Variants in PPARGC1A observed in about 807,000 individuals in gnomAD.
The protein encoded by PPARGC1A is peroxisome proliferator-activated receptor gamma coactivator 1-alpha.
PPARGC1A carries 25 observed loss-of-function variants against 88.7 expected under a neutral mutation model. The observed-to-expected ratio is 0.28, with a 90% CI of 0.21 to 0.39. The LOEUF (loss-of-function observed/expected upper bound fraction) is 0.39, where lower values mean the gene tolerates loss of function less well. PPARGC1A is among the 10% of genes least tolerant of loss of function. The pLI, the probability that PPARGC1A is intolerant of heterozygous loss-of-function variation, is 1.00. For synonymous variants in PPARGC1A, 363 were observed against 355.6 expected (o/e 1.02, Z -0.24); for missense variants, 880 against 968.7 (o/e 0.91, Z 1.22).
the PPARGC1A span, among the ~76,000 whole-genome samples, chr4:24,001,933 C>T: frequency 1.3e-5 from 2 of 152,070 alleles, no homozygotes; most frequent in East Asian, 1.9e-4. Flanking sequence ...GAGATATAAT[C>T]GGCCAAATCA....
the PPARGC1A span, among the ~76,000 whole-genome samples, chr4:24,318,018 T>G: frequency 6.6e-6 from 1 of 152,150 alleles, no homozygotes; most frequent in Non-Finnish European, 1.5e-5. Context: ...AAAGCCTTCT[T>G]AACTGAGAGG....
chr4:23,883,968 G>A (rs539928171), intron 2 of PPARGC1A: 1 of 152,224 alleles, frequency 6.6e-6, no homozygotes, highest in East Asian at 1.9e-4. Flanking sequence ...AAAACTAGCC[G>A]ATATGTCATC....
the PPARGC1A span, among the ~76,000 whole-genome samples, chr4:23,965,638 G>A: frequency 1.2e-4 from 19 of 152,162 alleles, no homozygotes; most frequent in African/African-American, 2.4e-4. Flanking sequence ...TAGCTACTAA[G>A]CAGCAGCTCC....
At chr4:23,942,492 T>C in the PPARGC1A span, among the ~76,000 whole-genome samples, 1 of 152,184 alleles carries the variant, frequency 6.6e-6, no homozygotes, top group Non-Finnish European at 1.5e-5. Flanking sequence ...CAAATAAGTA[T>C]AGAGTTTAGA....
the PPARGC1A span, among the ~76,000 whole-genome samples, chr4:24,396,128 C>T: frequency 2.0e-5 from 3 of 152,072 alleles, no homozygotes; most frequent in Non-Finnish European, 2.9e-5. Context: ...GGTCCTTGGT[C>T]ATCAGGGTGC....
intron 2 of PPARGC1A, among the ~76,000 whole-genome samples, chr4:23,837,876 T>G (rs1365116564): frequency 6.6e-6 from 1 of 152,202 alleles, no homozygotes; most frequent in Non-Finnish European, 1.5e-5. Context: ...GATAAAACCT[T>G]GTACCTGTTT....
the PPARGC1A span, among the ~76,000 whole-genome samples, chr4:24,415,759 C>T: frequency 6.6e-6 from 1 of 152,142 alleles, no homozygotes; most frequent in Non-Finnish European, 1.5e-5. Flanking sequence ...TTGCTGTATA[C>T]TGCAAATATT....
At chr4:24,418,145 G>A in the PPARGC1A span, among the ~76,000 whole-genome samples, 10 of 152,098 alleles carry the variant, frequency 6.6e-5, no homozygotes, top group East Asian at 1.5e-3. Context: ...CTCAACAAGT[G>A]CAGCCACCAT....
chr4:23,964,099 G>A, the PPARGC1A span, among the ~76,000 whole-genome samples: 28 of 152,304 alleles, frequency 1.8e-4, no homozygotes, highest in African/African-American at 6.7e-4. Flanking sequence ...TACAATACAA[G>A]TTCAATTATG....
the PPARGC1A span, among the ~76,000 whole-genome samples, chr4:24,195,980 G>T: frequency 6.6e-6 from 1 of 152,208 alleles, no homozygotes; most frequent in African/African-American, 2.4e-5. Context: ...CAGGAGGAAA[G>T]AGACCACACT....
intron 2 of PPARGC1A, among the ~76,000 whole-genome samples, chr4:23,856,960 A>C (rs929632196): frequency 1.5e-4 from 23 of 152,192 alleles, no homozygotes; most frequent in Non-Finnish European, 3.4e-4. Context: ...TTGGAATGTC[A>C]ACAAATTGCC....
intron 2 of PPARGC1A, among the ~76,000 whole-genome samples, chr4:23,832,632 C>G (rs557320680): frequency 2.2e-5 from 3 of 136,552 alleles, no homozygotes; most frequent in African/African-American, 8.6e-5. Flanking sequence ...TTTTTTGAGA[C>G]AGGGTCTTGC....
At chr4:24,416,278 G>A in the PPARGC1A span, among the ~76,000 whole-genome samples, 1 of 151,708 alleles carries the variant, frequency 6.6e-6, no homozygotes, top group Non-Finnish European at 1.5e-5. Flanking sequence ...AAAGACTCTT[G>A]AAGGCCAGGC....
chr4:24,174,393 A>G, the PPARGC1A span, among the ~76,000 whole-genome samples: 1 of 152,228 alleles, frequency 6.6e-6, no homozygotes, highest in Non-Finnish European at 1.5e-5. Flanking sequence ...GTCAGTTAAG[A>G]GGCCTGATAA....
chr4:24,350,974 AC>A, the PPARGC1A span, among the ~76,000 whole-genome samples: 2 of 19,994 alleles, frequency 1.0e-4, no homozygotes, highest in African/African-American at 2.5e-4. Flanking sequence ...TAGAAAAAGA[AC>A]AATTTTTTTT....
At chr4:23,801,697 G>T in intron 12 of PPARGC1A, 33 bp downstream of exon 12, 1 of 1,611,738 alleles carries the variant, frequency 6.2e-7, no homozygotes, top group Non-Finnish European at 8.5e-7. Context: ...CTACATTATG[G>T]ATTCCTCATT....
At chr4:23,844,430 TA>T (rs1412976690) in intron 2 of PPARGC1A, among the ~76,000 whole-genome samples, 1 of 128,326 alleles carries the variant, frequency 7.8e-6, no homozygotes, top group Admixed American at 9.2e-5. Flanking sequence ...ATATATTATA[TA>T]TATTATATAT....
At chr4:24,030,573 T>G in the PPARGC1A span, among the ~76,000 whole-genome samples, 1 of 152,198 alleles carries the variant, frequency 6.6e-6, no homozygotes, top group Non-Finnish European at 1.5e-5. Flanking sequence ...CAGTTACTGT[T>G]CCCATTATTT....
the PPARGC1A span, among the ~76,000 whole-genome samples, chr4:24,461,334 G>A: frequency 6.6e-6 from 1 of 152,192 alleles, no homozygotes; most frequent in Admixed American, 6.5e-5. Context: ...AATTTCTAAA[G>A]TCAAAACAAT....
Sources: gnomAD v4.1 joint callset for allele counts (sites outside exome capture counted in the v4.1 genomes callset) on GRCh38, gnomAD v4.1.1 for gene constraint, MANE v1.5 for transcripts, NCBI Gene and HGNC (gene_info 2026-07-23, HGNC 2026-07-21) for gene names.